ADGRL3: variants seen among roughly 807,000 people sequenced by gnomAD.
ADGRL3 encodes adhesion G protein-coupled receptor L3, also known as calcium-independent alpha-latrotoxin receptor 3.
In ADGRL3, 62 loss-of-function variants were observed where a neutral mutation model predicts 153.5. The observed-to-expected ratio is 0.40, with a 90% CI of 0.33 to 0.50. The LOEUF is 0.50. ADGRL3 is among the 20% of genes least tolerant of loss of function. The pLI, the probability that ADGRL3 is intolerant of heterozygous loss-of-function variation, is 0.47. For synonymous variants in ADGRL3, 710 were observed against 672.5 expected, an observed-to-expected ratio of 1.06 and a Z score of -0.86; for missense variants, 1,641 against 1,859.4, an observed-to-expected ratio of 0.88 and a Z score of 2.16.
At chr4:61,811,143 T>C (rs529053798) in intron 8 of ADGRL3, among the ~76,000 whole-genome samples, 1 of 152,246 alleles carries the variant, frequency 6.6e-6, no homozygotes, top group South Asian at 2.1e-4. Context: ...CATGGGAATA[T>C]ATCCAAGAAA....
chr4:61,929,417 T>C lies in ADGRL3; in HGVS notation c.2113-5423T>C, dbSNP rs549031511. Among the ~76,000 whole-genome samples, 637 of 152,300 alleles carry C rather than the reference T, an allele frequency of 4.2e-3. 15 individuals are homozygous for C. The highest frequency in any genetic ancestry group is 2.7e-3 in the Non-Finnish European group (184 of 68,032). On this transcript the variant is annotated intron_variant, in intron 13 of 26. Transcript: ENST00000683033. ...AATGGACTAAGAGCCCACTGGGGTA[T>C]TGATTCTCTGAAGTGAGACTAATTC...
chr4:62,074,520 A>G lies in ADGRL3; in HGVS notation c.*3612A>G, dbSNP rs1022672565. 5.3e-5 allele frequency: 8 copies of G among 152,160 alleles called. No homozygotes were observed. The highest frequency in any genetic ancestry group is 7.4e-5 in the Non-Finnish European group (5 of 68,022). 9.4% of individuals were successfully genotyped at this position (152,160 alleles called of 1,614,324 possible). ...GAGAAATTGGTTGGAATTAAATTTT[A>G]TGGGCGTCCCTTCTTGTTTCCACTA... On this transcript the variant is annotated 3_prime_UTR_variant, in exon 27 of 27. Coordinates refer to ENST00000683033, the MANE Select transcript of ADGRL3 (RefSeq NM_001387552.1).
intron 1 of ADGRL3, among the ~76,000 whole-genome samples, chr4:61,209,229 T>C (rs541429361): frequency 6.6e-6 from 1 of 152,280 alleles, no homozygotes; most frequent in Admixed American, 6.5e-5. Context: ...AGCTGGGCAG[T>C]GTTTTTAATT....
intron 21 of ADGRL3, among the ~76,000 whole-genome samples, chr4:62,006,213 T>C (rs2099158590): frequency 6.6e-6 from 1 of 151,360 alleles, no homozygotes; most frequent in South Asian, 2.1e-4. Context: ...TTTTTGTATT[T>C]TTAGTAGAGA....
chr4:61,706,074 A>G (rs2095852475), intron 6 of ADGRL3, among the ~76,000 whole-genome samples: 1 of 152,172 alleles, frequency 6.6e-6, no homozygotes, highest in African/African-American at 2.4e-5. Context: ...CTTTGAAGCC[A>G]GTTGTTTTCT....
At chr4:61,740,733 G>A (rs1355126387) in intron 8 of ADGRL3, among the ~76,000 whole-genome samples, 1 of 152,150 alleles carries the variant, frequency 6.6e-6, no homozygotes, top group Non-Finnish European at 1.5e-5. Flanking sequence ...TACTGGTTGA[G>A]ATTTAGTGAA....
chr4:61,914,763 C>A (rs952186691), intron 13 of ADGRL3, among the ~76,000 whole-genome samples: 2 of 152,050 alleles, frequency 1.3e-5, no homozygotes, highest in Non-Finnish European at 2.9e-5. Flanking sequence ...ATATTATGAT[C>A]TGATTCAGGG....
intron 5 of ADGRL3, among the ~76,000 whole-genome samples, chr4:61,668,719 CAAAAA>C (rs1021872705): frequency 1.3e-5 from 2 of 151,692 alleles, no homozygotes; most frequent in Non-Finnish European, 2.9e-5. Flanking sequence ...ACAATTTTCT[CAAAAA>C]AAAAAAAATG....
At position 61,754,523 on chromosome 4, in the gene ADGRL3, A is replaced by T. The variant is rs1580645246; in HGVS notation, c.1399+20969A>T. On this transcript the variant is annotated intron_variant, in intron 8 of 26. Transcript: ENST00000683033. Reference sequence around the variant, plus strand: ...TATAATATTCCTTATGAGTTCATTTAGTTCCATGTAATTAATTCTTTTTAT... The same window carrying T: ...TATAATATTCCTTATGAGTTCATTTTGTTCCATGTAATTAATTCTTTTTAT... 2.6e-5 allele frequency among the ~76,000 whole-genome samples: 4 copies of T among 152,110 alleles called. 1 individual carries two copies. The highest frequency in any genetic ancestry group is 2.6e-4 in the Admixed American group (4 of 15,260).
chr4:61,575,019 T>A (rs1235259636), intron 4 of ADGRL3, among the ~76,000 whole-genome samples: 1 of 151,900 alleles, frequency 6.6e-6, no homozygotes, highest in Non-Finnish European at 1.5e-5. Context: ...AAAATCTCTT[T>A]AAAAATGTCA....
chr4:61,779,552 T>C lies in ADGRL3; in HGVS notation c.1400-34257T>C, dbSNP rs558011733. Among the ~76,000 whole-genome samples the C allele has an allele frequency of 8.2e-5, 12 of 145,762 alleles. No homozygotes were observed. In the South Asian group the frequency reaches 2.6e-3, roughly 31 times the overall value. ...AGGAGGCTGATGCACGAGAATTGCT[T>C]GAACCCAGAGGTGGAGGTTACAGTG... On this transcript the variant is annotated intron_variant, in intron 8 of 26. Transcript: ENST00000683033.
At position 61,629,353 on chromosome 4, in the gene ADGRL3, C is replaced by A. The variant is rs191160735; in HGVS notation, c.473+41913C>A. On this transcript the variant is annotated intron_variant, in intron 5 of 26. Coordinates refer to ENST00000683033, the MANE Select transcript of ADGRL3 (RefSeq NM_001387552.1). ...TGCAGTTTAACAACATAAATCTATT[C>A]ATCTTGTTTATTCAGGGCCATCAAC... Among the ~76,000 whole-genome samples, 22 of 152,034 alleles carry A rather than the reference C, an allele frequency of 1.4e-4. No individual in the cohort carries two copies. In the East Asian group the frequency reaches 3.5e-3, roughly 24 times the overall value.
chr4:61,242,870 A>G (rs1283743645), intron 1 of ADGRL3, among the ~76,000 whole-genome samples: 1 of 152,088 alleles, frequency 6.6e-6, no homozygotes, highest in Non-Finnish European at 1.5e-5. Context: ...TATTAATTCT[A>G]TAGTTTATTT....
intron 13 of ADGRL3, among the ~76,000 whole-genome samples, chr4:61,920,527 A>T (rs2098763909): frequency 1.3e-5 from 2 of 152,174 alleles, no homozygotes; most frequent in Non-Finnish European, 1.5e-5. Context: ...GTAGTAACAG[A>T]AAGTTAGCTA....
At chr4:62,050,464 A>G (rs985814062) in intron 25 of ADGRL3, among the ~76,000 whole-genome samples, 1 of 152,074 alleles carries the variant, frequency 6.6e-6, no homozygotes, top group African/African-American at 2.4e-5. Flanking sequence ...GTTTTTAACA[A>G]AAGTTTTCTC....
At chr4:61,527,794 A>C (rs1376022465) in intron 4 of ADGRL3, among the ~76,000 whole-genome samples, 1 of 152,204 alleles carries the variant, frequency 6.6e-6, no homozygotes, top group Admixed American at 6.5e-5. Context: ...GTTATAGAGC[A>C]ATATAGCGAG....
At chr4:61,632,745 C>T (rs1014194218) in intron 5 of ADGRL3, among the ~76,000 whole-genome samples, 2 of 152,116 alleles carry the variant, frequency 1.3e-5, no homozygotes, top group African/African-American at 4.8e-5. Flanking sequence ...AGTATAAATA[C>T]ATATTACCAG....
chr4:61,848,748 C>T (rs2098167281), intron 9 of ADGRL3, among the ~76,000 whole-genome samples: 1 of 152,204 alleles, frequency 6.6e-6, no homozygotes, highest in East Asian at 1.9e-4. Context: ...TTGACTCATG[C>T]AAGGATAAAT....
intron 13 of ADGRL3, among the ~76,000 whole-genome samples, chr4:61,932,115 A>G (rs2098820075): frequency 3.3e-5 from 5 of 152,012 alleles, no homozygotes; most frequent in Admixed American, 3.3e-4. Context: ...TTCTGTATAT[A>G]AGATCATGTC....
Sources: gnomAD v4.1 joint callset for allele counts (sites outside exome capture counted in the v4.1 genomes callset) on GRCh38, gnomAD v4.1.1 for gene constraint, MANE v1.5 for transcripts, NCBI Gene and HGNC (gene_info 2026-07-23, HGNC 2026-07-21) for gene names.